The following EDIL3 variants were observed in gnomAD, a reference collection of about 807,000 sequenced individuals.
EDIL3 encodes the protein EGF like and discoidin domains 3, also known as EGF-like repeat and discoidin I-like domain-containing protein 3.
EDIL3 carries 37 observed loss-of-function variants against 67.4 expected under a neutral mutation model. The ratio of observed to expected loss-of-function variants is 0.55; its 90% confidence interval spans 0.42 to 0.72. The LOEUF (loss-of-function observed/expected upper bound fraction) is 0.72, where lower values mean the gene tolerates loss of function less well. Ranked by LOEUF, EDIL3 falls within the 30% of genes least tolerant of loss-of-function variation. EDIL3 has a pLI of 0.00. For synonymous variants in EDIL3, 195 were observed against 196.3 expected (o/e 0.99, Z 0.05); for missense variants, 527 against 586.3 (o/e 0.90, Z 1.04).
At chr5:84,171,085 G>A (rs918134501) in intron 4 of EDIL3, among the ~76,000 whole-genome samples, 13 of 151,976 alleles carry the variant, frequency 8.6e-5, no homozygotes, top group South Asian at 2.1e-4. Context: ...GTGAGCCACC[G>A]CACCTGGCTG....
At chr5:84,212,094 G>T (rs563755662) in intron 3 of EDIL3, among the ~76,000 whole-genome samples, 14 of 152,144 alleles carry the variant, frequency 9.2e-5, no homozygotes, top group African/African-American at 3.4e-4. Flanking sequence ...ATCCCAAAGA[G>T]CATGATGTTA....
At chr5:84,078,755 T>C (rs1269889510) in intron 6 of EDIL3, 3 of 152,100 alleles carry the variant, frequency 2.0e-5, no homozygotes, top group Non-Finnish European at 2.9e-5. Context: ...TCAAGGAAAA[T>C]GACTTAAGTA....
intron 1 of EDIL3, among the ~76,000 whole-genome samples, chr5:84,320,965 A>G (rs910822586): frequency 2.0e-5 from 3 of 152,190 alleles, no homozygotes; most frequent in Non-Finnish European, 4.4e-5. Flanking sequence ...AATTTTGTTT[A>G]TAAATAATTA....
intron 4 of EDIL3, among the ~76,000 whole-genome samples, chr5:84,156,616 A>G (rs1748496452): frequency 6.6e-6 from 1 of 152,234 alleles, no homozygotes. Flanking sequence ...TTGCTATCTT[A>G]AAAGGCTAAG....
chr5:84,030,510 G>A (rs1020959531), intron 9 of EDIL3, among the ~76,000 whole-genome samples: 4 of 144,662 alleles, frequency 2.8e-5, no homozygotes, highest in East Asian at 2.0e-4. Context: ...TGAAAAAATC[G>A]CACAAGAACA....
chr5:84,322,345 A>T (rs1321900577), intron 1 of EDIL3, among the ~76,000 whole-genome samples: 1 of 152,066 alleles, frequency 6.6e-6, no homozygotes, highest in Non-Finnish European at 1.5e-5. Context: ...TAATTTATTT[A>T]AAAAATGGAA....
intron 9 of EDIL3, among the ~76,000 whole-genome samples, chr5:84,029,813 A>G (rs1745885489): frequency 6.6e-6 from 1 of 152,214 alleles, no homozygotes; most frequent in African/African-American, 2.4e-5. Flanking sequence ...GGAGCATTGT[A>G]TACAATTCTG....
chr5:84,212,049 C>T (rs1368884811), intron 3 of EDIL3, among the ~76,000 whole-genome samples: 2 of 152,142 alleles, frequency 1.3e-5, no homozygotes, highest in African/African-American at 4.8e-5. Context: ...CTCTCTCCAC[C>T]CCCACTTTGC....
chr5:84,356,593 C>T (rs1322252169), intron 1 of EDIL3, among the ~76,000 whole-genome samples: 1 of 152,168 alleles, frequency 6.6e-6, no homozygotes, highest in Non-Finnish European at 1.5e-5. Flanking sequence ...ACATTGAGCC[C>T]AGCAGATAAT....
chr5:84,258,215 G>A (rs1745157609), intron 1 of EDIL3, among the ~76,000 whole-genome samples: 1 of 152,190 alleles, frequency 6.6e-6, no homozygotes, highest in Non-Finnish European at 1.5e-5. Context: ...ATGAAGTTAA[G>A]AGCGTAACAA....
chr5:84,342,249 T>G (rs1008863056), intron 1 of EDIL3, among the ~76,000 whole-genome samples: 2 of 151,920 alleles, frequency 1.3e-5, no homozygotes, highest in African/African-American at 4.8e-5. Context: ...ATAAAATGAG[T>G]CAGACACAGA....
In EDIL3 at chr5:84,066,605, A is replaced by T; in HGVS notation, c.653T>A (p.Ile218Lys). 6.2e-7 allele frequency: 1 copy of T among 1,611,752 alleles called. No homozygotes were observed. The highest frequency in any genetic ancestry group is 8.5e-7 in the Non-Finnish European group (1 of 1,179,476). Residue 218 changes from isoleucine to lysine, a missense_variant and splice_region_variant, in exon 7 of 11, where the codon ATA becomes AAA. Ile to Lys is a moderately radical substitution (Grantham distance 102, BLOSUM62 -3). Coordinates refer to ENST00000296591, the MANE Select transcript of EDIL3 (RefSeq NM_005711.5). ...AACTCTCATTTTCCTTTGCAAATTT[A>T]TCTGAAAAGACGAGCACAACCAACA... ...AENDRWPWIQ[I>K]NLQRKMRVTG...
At chr5:84,168,048 G>A (rs1478330582) in intron 4 of EDIL3, among the ~76,000 whole-genome samples, 1 of 152,044 alleles carries the variant, frequency 6.6e-6, no homozygotes, top group African/African-American at 2.4e-5. Context: ...ATTTCCAAAC[G>A]ATGCATTGCC....
rs1745082675 is a variant in EDIL3 at position 83,987,872 on chromosome 5, T to TATATATATATATATAC, written c.1138-24513_1138-24512insGTATATATATATATAT. Among the ~76,000 whole-genome samples the TATATATATATATATAC allele has an allele frequency of 6.3e-5, 4 of 63,888 alleles. No individual in the cohort carries two copies. In the South Asian group the frequency reaches 1.9e-3, roughly 30 times the overall value. The allele number at this position is 63,888 out of a possible 152,430, so 41.9% of individuals were successfully genotyped here. A position where few individuals can be genotyped will look rare whatever the true frequency, so the allele number is the denominator to read the frequency against. ...CTGATAGGGTGTGTGTGTGTATGTA[T>TATATATATATATATAC]ATATATATATATATATATATAGCTT... On this transcript the variant is annotated intron_variant, in intron 9 of 10. Coordinates refer to ENST00000296591, the MANE Select transcript of EDIL3 (RefSeq NM_005711.5).
chr5:84,303,645 G>A (rs1746204726), intron 1 of EDIL3, among the ~76,000 whole-genome samples: 1 of 152,134 alleles, frequency 6.6e-6, no homozygotes, highest in Non-Finnish European at 1.5e-5. Context: ...TTACATTTGT[G>A]TTGAATAATT....
At chr5:84,217,788 A>T (rs1354905049) in intron 3 of EDIL3, among the ~76,000 whole-genome samples, 1 of 149,642 alleles carries the variant, frequency 6.7e-6, no homozygotes, top group African/African-American at 2.5e-5. Context: ...GTTTCTCTGG[A>T]GAACTGTAGA....
At chr5:84,321,093 C>A (rs1265256652) in intron 1 of EDIL3, among the ~76,000 whole-genome samples, 1 of 152,086 alleles carries the variant, frequency 6.6e-6, no homozygotes, top group Non-Finnish European at 1.5e-5. Context: ...AAAATGAAAT[C>A]ATAGTGATAT....
At chr5:84,266,612 A>T (rs1173882420) in intron 1 of EDIL3, among the ~76,000 whole-genome samples, 1 of 152,164 alleles carries the variant, frequency 6.6e-6, no homozygotes, top group East Asian at 1.9e-4. Flanking sequence ...CTTGGCAAGG[A>T]ACTAATGGGG....
intron 1 of EDIL3, among the ~76,000 whole-genome samples, chr5:84,375,574 AC>A (rs1183015800): frequency 6.6e-6 from 1 of 152,176 alleles, no homozygotes. Context: ...AACCTTGTTA[AC>A]CTCTAAAGTC....
Sources: allele counts gnomAD v4.1 joint callset (sites outside exome capture counted in the v4.1 genomes callset), GRCh38; gene constraint gnomAD v4.1.1; transcripts MANE v1.5; gene names NCBI Gene and HGNC (gene_info 2026-07-23, HGNC 2026-07-21).